Variants in TLR4 observed in about 807,000 individuals in gnomAD.
TLR4 encodes the protein toll-like receptor 4.
TLR4 carries 17 observed loss-of-function variants against 27.4 expected under a neutral mutation model. The ratio of observed to expected loss-of-function variants is 0.62; its 90% confidence interval spans 0.42 to 0.93. The LOEUF is 0.93. TLR4 is among the 40% of genes least tolerant of loss of function. The pLI, the probability that TLR4 is intolerant of heterozygous loss-of-function variation, is 0.00. For synonymous variants in TLR4, 363 were observed against 365.7 expected, an observed-to-expected ratio of 0.99 and a Z score of 0.08; for missense variants, 926 against 962.3, an observed-to-expected ratio of 0.96 and a Z score of 0.50.
In TLR4 at chr9:117,704,488, C is replaced by T. The variant is rs763056825; in HGVS notation, c.16C>T (p.Arg6Cys). Residue 6 changes from arginine (R) to cysteine (C), a missense_variant, in exon 1 of 3, where the codon CGC becomes TGC. Arg to Cys is a radical substitution (Grantham distance 180). Transcript: ENST00000355622. MMSAS[R>C]LAGTLIPAMA... ...TGATGCCAGGATGATGTCTGCCTCG[C>T]GCCTGGCTGGGACTCTGATCCCAGC... 13 of 1,613,306 alleles carry T rather than the reference C, an allele frequency of 8.1e-6. No individual in the cohort carries two copies. The highest frequency in any genetic ancestry group is 6.7e-5 in the East Asian group (3 of 44,830).
intron 2 of TLR4, among the ~76,000 whole-genome samples, chr9:117,711,010 C>T (rs1829222099): frequency 6.6e-6 from 1 of 152,094 alleles, no homozygotes; most frequent in South Asian, 2.1e-4. Flanking sequence ...CTATAACAAT[C>T]ATATAATTGA....
chr9:117,714,413 G>A lies in TLR4; in HGVS notation c.2285G>A (p.Ser762Asn), dbSNP rs780472681. Reference protein sequence around the residue: ...EIAQTWQFLSSRAGIIFIVLQ... With the variant: ...EIAQTWQFLSNRAGIIFIVLQ... ...GCTCAGACCTGGCAGTTTCTGAGCA[G>A]TCGTGCTGGTATCATCTTCATTGTC... is the stretch of plus-strand genomic sequence containing the variant. The change falls in exon 3 of 3, where the codon AGT (serine) becomes AAT (asparagine). Residue 762 changes from serine to asparagine, a missense_variant. Transcript: ENST00000355622. 10 of 1,613,238 alleles carry A rather than the reference G, an allele frequency of 6.2e-6. No individual in the cohort carries two copies. The highest frequency in any genetic ancestry group is 2.2e-5 in the East Asian group (1 of 44,838).
chr9:117,708,330 G>A, intron 1 of TLR4: 2 of 1,329,608 alleles, frequency 1.5e-6, no homozygotes, highest in Non-Finnish European at 9.7e-7. Flanking sequence ...TTAGAATGCT[G>A]AGCACGTAGT....
At chr9:117,707,560 T>A (rs1018631693) in intron 1 of TLR4, among the ~76,000 whole-genome samples, 4 of 152,152 alleles carry the variant, frequency 2.6e-5, no homozygotes, top group Non-Finnish European at 5.9e-5. Flanking sequence ...CTGCAAGGAA[T>A]TTTGTTGGAG....
rs1435019178 is a variant in TLR4 at position 117,704,472 on chromosome 9, G to A, written c.-1G>A. The A allele has an allele frequency of 1.9e-6, 3 of 1,612,700 alleles. No individual in the cohort carries two copies. Among genetic ancestry groups the A allele is most frequent in the South Asian group, 1.1e-5 (1 of 91,078 alleles). On this transcript the variant is annotated 5_prime_UTR_variant, in exon 1 of 3. Transcript: ENST00000355622. The stretch of plus-strand genomic sequence containing the variant: ...ACAGAAGCAGTGAGGATGATGCCAG[G>A]ATGATGTCTGCCTCGCGCCTGGCTG...
chr9:117,714,837 A>G lies in TLR4; in HGVS notation c.*189A>G, dbSNP rs1467571836. 13 of 629,342 alleles carry G rather than the reference A, an allele frequency of 2.1e-5. No homozygotes were observed. The highest frequency in any genetic ancestry group is 3.7e-5 in the African/African-American group (2 of 54,554). 39.0% of individuals were successfully genotyped at this position (629,342 alleles called of 1,614,324 possible). ...GTGCAGAGGGAATAAATGCTAGACT[A>G]AAATACAGAGTCTTCCAGGTGGGCA... On this transcript the variant is annotated 3_prime_UTR_variant, in exon 3 of 3. Coordinates refer to ENST00000355622, the MANE Select transcript of TLR4 (RefSeq NM_138554.5).
intron 2 of TLR4, among the ~76,000 whole-genome samples, chr9:117,709,485 T>C (rs1038388187): frequency 1.4e-4 from 21 of 152,284 alleles, no homozygotes; most frequent in Middle Eastern, 3.4e-3. Flanking sequence ...GATTTTCTTT[T>C]CTGATGCAGG....
chr9:117,712,707 A>G lies in TLR4; in HGVS notation c.579A>G (p.Thr193=). The G allele has an allele frequency of 1.2e-6, 2 of 1,614,146 alleles. No homozygotes were observed. Among genetic ancestry groups the G allele is most frequent in the Non-Finnish European group, 1.7e-6 (2 of 1,180,016 alleles). The change falls in exon 3 of 3, where the codon ACA becomes ACG. Residue 193 remains threonine (T), a synonymous_variant. Coordinates refer to ENST00000355622, the MANE Select transcript of TLR4 (RefSeq NM_138554.5). ...SSNKIQSIYC[T]DLRVLHQMPL... ...ACAAGATTCAAAGTATTTATTGCACAGACTTGCGGGTTCTACATCAAATGC... is the reference window on the plus strand; with the variant it reads ...ACAAGATTCAAAGTATTTATTGCACGGACTTGCGGGTTCTACATCAAATGC...
At position 117,708,684 on chromosome 9, in the gene TLR4, A is replaced by G. The variant is rs1211436414; in HGVS notation, c.215A>G (p.Tyr72Cys). ...SFNPLRHLGS[Y>C]SFFSFPELQV... ...AATCCCCTGAGGCATTTAGGCAGCT[A>G]TAGCTTCTTCAGTTTCCCAGAACTG... Residue 72 changes from tyrosine (Y) to cysteine (C), a missense_variant, in exon 2 of 3, where the codon TAT becomes TGT. By Grantham distance (194) the Tyr-to-Cys change is radical (BLOSUM62 -2). Transcript: ENST00000355622. 3.1e-6 allele frequency: 5 copies of G among 1,613,962 alleles called. No homozygotes were observed. The highest frequency in any genetic ancestry group is 2.2e-5 in the East Asian group (1 of 44,882).
intron 2 of TLR4, chr9:117,709,112 G>T (rs887092617): frequency 1.3e-4 from 27 of 213,382 alleles, no homozygotes; most frequent in Admixed American, 1.2e-3. Context: ...TGTTAAGGAG[G>T]CATATCTTCT....
rs1002123996 is a variant in TLR4, at chr9:117,721,131, A to C, written c.*6483A>C. Reference sequence around the variant, plus strand: ...TAGAGAGTGCAAATGCAGTTTTGTTACATGAATATATTGCATAATGGTTTA... The same window carrying C: ...TAGAGAGTGCAAATGCAGTTTTGTTCCATGAATATATTGCATAATGGTTTA... On this transcript the variant is annotated 3_prime_UTR_variant, in exon 3 of 3. Transcript: ENST00000355622. The C allele has an allele frequency of 1.3e-5, 2 of 152,250 alleles. No individual in the cohort carries two copies. Among genetic ancestry groups the C allele is most frequent in the African/African-American group, 4.8e-5 (2 of 41,468 alleles). The allele number at this position is 152,250 out of a possible 1,614,324, so 9.4% of individuals were successfully genotyped here.
rs201331711 is a variant in TLR4, at chr9:117,713,273, G to A, written c.1145G>A (p.Arg382Lys). ...LPSLEFLDLS[R>K]NGLSFKGCCS... ...AGCCTTGAGTTTCTAGATCTCAGTA[G>A]AAATGGCTTGAGTTTCAAAGGTTGC... Residue 382 changes from arginine to lysine, a missense_variant, in exon 3 of 3, where the codon AGA becomes AAA. Physicochemically the swap from Arg to Lys is conservative, Grantham distance 26. Coordinates refer to ENST00000355622, the MANE Select transcript of TLR4 (RefSeq NM_138554.5). The A allele has an allele frequency of 1.2e-6, 2 of 1,613,862 alleles. No individual in the cohort carries two copies. Among genetic ancestry groups the A allele is most frequent in the African/African-American group, 2.7e-5 (2 of 74,912 alleles).
intron 2 of TLR4, 151 bp from the exon 3 acceptor site, chr9:117,712,238 T>C (rs1369190455): frequency 6.6e-6 from 5 of 760,664 alleles, no homozygotes; most frequent in Admixed American, 2.3e-5. Flanking sequence ...GCTTATTCCA[T>C]CATCATCTGT....
chr9:117,720,190 G>A lies in TLR4; in HGVS notation c.*5542G>A, dbSNP rs1402979723. 1 of 152,172 alleles carries A rather than the reference G, an allele frequency of 6.6e-6. No individual in the cohort carries two copies. The highest frequency in any genetic ancestry group is 1.5e-5 in the Non-Finnish European group (1 of 68,036). The allele number at this position is 152,172 out of a possible 1,614,324, so 9.4% of individuals were successfully genotyped here. A position where few individuals can be genotyped will look rare whatever the true frequency, so the allele number is the denominator to read the frequency against. ...ATGAAAGGACTGAATTGTTCAATAG[G>A]AAGGAGCAGAATCAGGATATGAACT... On this transcript the variant is annotated 3_prime_UTR_variant, in exon 3 of 3. Transcript: ENST00000355622.
Position 117,714,615 on chromosome 9 carries a change from A to C in TLR4, c.2487A>C (p.Thr829=). Residue 829 remains threonine (T), a synonymous_variant, in exon 3 of 3, where the codon ACA becomes ACC. Transcript: ENST00000355622. ...KSWNPEGTVG[T]GCNWQEATSI ...GGAATCCAGAAGGAACAGTGGGTAC[A>C]GGATGCAATTGGCAGGAAGCAACAT... The C allele has an allele frequency of 6.2e-7, 1 of 1,613,484 alleles. No homozygotes were observed.
chr9:117,714,546 C>G lies in TLR4; in HGVS notation c.2418C>G (p.Ile806Met). 6.2e-7 allele frequency: 1 copy of G among 1,613,938 alleles called. No individual in the cohort carries two copies. ...AGGACAGTGTCCTGGGGCGGCACAT[C>G]TTCTGGAGACGACTCAGAAAAGCCC... The part of the protein sequence containing the change: ...EWEDSVLGRH[I>M]FWRRLRKALL... The change falls in exon 3 of 3, where the codon ATC (isoleucine) becomes ATG (methionine). Residue 806 changes from isoleucine to methionine, a missense_variant. By Grantham distance (10) the Ile-to-Met change is conservative. Transcript: ENST00000355622.
At chr9:117,712,297 G>C in intron 2 of TLR4, 92 bp from the exon 3 acceptor site, 2 of 1,258,434 alleles carry the variant, frequency 1.6e-6, no homozygotes, top group South Asian at 2.6e-5. Flanking sequence ...CATCACATCT[G>C]TATGAAGAGC....
Position 117,704,523 on chromosome 9 carries a change from C to CCT in TLR4, c.55_56dup (p.Cys20ProfsTer3), listed in dbSNP as rs1564261927. 1 of 1,613,928 alleles carries CCT rather than the reference C, an allele frequency of 6.2e-7. No individual in the cohort carries two copies. The highest frequency in any genetic ancestry group is 1.7e-5 in the Admixed American group (1 of 60,010). On this transcript the variant is annotated frameshift_variant, in exon 1 of 3. Coordinates refer to ENST00000355622, the MANE Select transcript of TLR4 (RefSeq NM_138554.5). LOFTEE classifies it high-confidence loss of function. The stretch of plus-strand genomic sequence containing the variant: ...GGACTCTGATCCCAGCCATGGCCTT[C>CCT]CTCTCCTGCGTGAGACCAGAAAGCT...
intron 1 of TLR4, chr9:117,708,224 G>A (rs1030948645): frequency 3.7e-6 from 4 of 1,095,618 alleles, no homozygotes; most frequent in African/African-American, 1.6e-5. Context: ...ACACAGAAGA[G>A]CTGGCATGAA....
Sources: allele counts gnomAD v4.1 joint callset (sites outside exome capture counted in the v4.1 genomes callset), GRCh38; gene constraint gnomAD v4.1.1; transcripts MANE v1.5; gene names NCBI Gene and HGNC (gene_info 2026-07-23, HGNC 2026-07-21).